Variants in UBE2F observed in about 807,000 individuals in gnomAD.
UBE2F encodes the protein NEDD8-conjugating enzyme UBE2F.
Under a neutral mutation model 29.6 loss-of-function variants are expected in UBE2F, and 5 were observed. The observed-to-expected ratio is 0.17, with a 90% CI of 0.09 to 0.36. The LOEUF (loss-of-function observed/expected upper bound fraction) is 0.36, where lower values mean the gene tolerates loss of function less well. Among genes scored for constraint, UBE2F ranks in the 10% least tolerant of loss-of-function variants. The pLI, the probability that UBE2F is intolerant of heterozygous loss-of-function variation, is 1.00. For missense variants in UBE2F, 141 were observed against 228.5 expected (o/e 0.62, Z 2.47); for synonymous variants, 66 against 81.8 (o/e 0.81, Z 1.04).
At chr2:238,035,655 C>A in intron 8 of UBE2F, 1 of 507,928 alleles carries the variant, frequency 2.0e-6, no homozygotes, top group Non-Finnish European at 3.5e-6. Context: ...GTCAACATAT[C>A]TCTGACTTCT....
chr2:237,974,265 C>G (rs938202043), intron 2 of UBE2F, among the ~76,000 whole-genome samples: 2 of 151,766 alleles, frequency 1.3e-5, no homozygotes, highest in African/African-American at 4.8e-5. Context: ...TCAAGCAATT[C>G]TCCTGCCTCA....
At chr2:237,986,153 T>C in intron 2 of UBE2F, 1 of 391,030 alleles carries the variant, frequency 2.6e-6, no homozygotes. Context: ...TTTTTTTTTT[T>C]TTTTTGAGAC....
intron 4 of UBE2F, among the ~76,000 whole-genome samples, chr2:237,997,672 A>G (rs1373752475): frequency 1.3e-5 from 2 of 152,238 alleles, no homozygotes; most frequent in Non-Finnish European, 2.9e-5. Context: ...AGAATGGTCA[A>G]GAGTGGAAGA....
intron 2 of UBE2F, among the ~76,000 whole-genome samples, chr2:237,983,003 A>G (rs1464991537): frequency 6.6e-6 from 1 of 152,086 alleles, no homozygotes; most frequent in Non-Finnish European, 1.5e-5. Context: ...ATATGTATAT[A>G]TTTTATGTTT....
At chr2:237,999,681 T>C (rs1340754026) in intron 4 of UBE2F, among the ~76,000 whole-genome samples, 1 of 152,234 alleles carries the variant, frequency 6.6e-6, no homozygotes, top group East Asian at 1.9e-4. Context: ...ACTGTATATG[T>C]GTAGTTCTGC....
intron 4 of UBE2F, among the ~76,000 whole-genome samples, chr2:238,006,901 A>G (rs1040110506): frequency 6.6e-6 from 1 of 151,766 alleles, no homozygotes; most frequent in Non-Finnish European, 1.5e-5. Context: ...GATTATAGGC[A>G]TGCACCACCA....
chr2:238,017,078 T>C (rs1489603124), intron 5 of UBE2F, among the ~76,000 whole-genome samples: 1 of 152,198 alleles, frequency 6.6e-6, no homozygotes, highest in Admixed American at 6.5e-5. Flanking sequence ...CAAAGATCCT[T>C]TTAGACAATA....
chr2:237,971,219 T>G (rs1472377997), intron 1 of UBE2F, among the ~76,000 whole-genome samples: 1 of 152,230 alleles, frequency 6.6e-6, no homozygotes, highest in African/African-American at 2.4e-5. Context: ...TCACATGGAA[T>G]TTTTAGATCA....
chr2:237,980,387 T>G (rs1236862606), intron 2 of UBE2F, among the ~76,000 whole-genome samples: 2 of 152,238 alleles, frequency 1.3e-5, no homozygotes, highest in African/African-American at 4.8e-5. Context: ...AGAGCTCTCT[T>G]CCTGGCTTGC....
intron 8 of UBE2F, chr2:238,032,610 C>CA (rs1003784522): frequency 1.0e-5 from 2 of 194,142 alleles, no homozygotes; most frequent in South Asian, 1.1e-4. Flanking sequence ...GACTCTGCCT[C>CA]AAAAAACAGA....
intron 2 of UBE2F, chr2:237,986,085 T>A (rs756858162): frequency 6.2e-6 from 2 of 320,502 alleles, no homozygotes; most frequent in East Asian, 1.8e-4. Context: ...TTAATCTGTT[T>A]GTCGAATATA....
At chr2:238,014,181 G>A (rs181587359) in intron 4 of UBE2F, among the ~76,000 whole-genome samples, 1 of 152,216 alleles carries the variant, frequency 6.6e-6, no homozygotes, top group Admixed American at 6.5e-5. Flanking sequence ...TCTCAGTCCA[G>A]TCTGCTCCCA....
intron 4 of UBE2F, among the ~76,000 whole-genome samples, chr2:238,010,727 CCTGAATGG>C (rs1465845943): frequency 6.6e-6 from 1 of 152,048 alleles, no homozygotes; most frequent in Admixed American, 6.6e-5. Flanking sequence ...AATGCTTTAC[CCTGAATGG>C]CTCCCAAACT....
chr2:238,011,813 A>C (rs1323110223), intron 4 of UBE2F, among the ~76,000 whole-genome samples: 1 of 152,214 alleles, frequency 6.6e-6, no homozygotes, highest in African/African-American at 2.4e-5. Context: ...TGGGCATGGA[A>C]AGTGTCTTGT....
chr2:238,006,591 A>G (rs1034013264), intron 4 of UBE2F, among the ~76,000 whole-genome samples: 1 of 152,114 alleles, frequency 6.6e-6, no homozygotes, highest in South Asian at 2.1e-4. Flanking sequence ...AGACTTTCCT[A>G]TGTAAACTAT....
At chr2:237,980,428 T>G (rs2063356984) in intron 2 of UBE2F, among the ~76,000 whole-genome samples, 1 of 152,210 alleles carries the variant, frequency 6.6e-6, no homozygotes, top group Non-Finnish European at 1.5e-5. Flanking sequence ...TGTCTTCACG[T>G]GGAGGAGAGA....
chr2:238,033,978 G>C (rs557743922), intron 8 of UBE2F, among the ~76,000 whole-genome samples: 1 of 152,138 alleles, frequency 6.6e-6, no homozygotes, highest in East Asian at 1.9e-4. Context: ...CCTTCTAGGG[G>C]CCCATATGCC....
chr2:238,001,673 A>T (rs2063796243), intron 4 of UBE2F, among the ~76,000 whole-genome samples: 1 of 152,024 alleles, frequency 6.6e-6, no homozygotes, highest in Non-Finnish European at 1.5e-5. Flanking sequence ...AAACAAAATT[A>T]GCAGGGTGTG....
chr2:238,026,291 A>G (rs753257034), intron 6 of UBE2F, among the ~76,000 whole-genome samples: 1 of 152,228 alleles, frequency 6.6e-6, no homozygotes, highest in Non-Finnish European at 1.5e-5. Context: ...TACTTTTGAC[A>G]TGAAATGCAA....
Sources: gnomAD v4.1 joint callset for allele counts (sites outside exome capture counted in the v4.1 genomes callset) on GRCh38, gnomAD v4.1.1 for gene constraint, MANE v1.5 for transcripts, NCBI Gene and HGNC (gene_info 2026-07-23, HGNC 2026-07-21) for gene names.